The following ABTB3 variants were observed in gnomAD, a reference collection of about 807,000 sequenced individuals.
ABTB3 encodes the protein ankyrin repeat- and BTB/POZ domain-containing protein 3.
chr12:107,506,117 C>A, the ABTB3 span, among the ~76,000 whole-genome samples: 2 of 152,114 alleles, frequency 1.3e-5, no homozygotes, highest in Non-Finnish European at 2.9e-5. Context: ...TACTGTCTTC[C>A]ACAATGATTG....
chr12:107,512,721 C>T, the ABTB3 span, among the ~76,000 whole-genome samples: 25,028 of 152,126 alleles, frequency 0.16, 2,500 homozygotes, highest in Admixed American at 0.26. Context: ...TTAGGATCTA[C>T]GTGACCTTAG....
chr12:107,350,744 T>C, the ABTB3 span, among the ~76,000 whole-genome samples: 1,203 of 152,264 alleles, frequency 7.9e-3, 15 homozygotes, highest in African/African-American at 0.027. Flanking sequence ...AAAGGTGATA[T>C]CTTCCAGACA....
At chr12:107,507,290 CAGG>C in the ABTB3 span, among the ~76,000 whole-genome samples, 6 of 152,064 alleles carry the variant, frequency 3.9e-5, no homozygotes, top group Admixed American at 2.6e-4. Context: ...TCCAGGGAAG[CAGG>C]AGAAGTCAAG....
At chr12:107,456,581 T>C in the ABTB3 span, among the ~76,000 whole-genome samples, 1 of 152,120 alleles carries the variant, frequency 6.6e-6, no homozygotes, top group Non-Finnish European at 1.5e-5. Context: ...CGATGATGAG[T>C]TGTATAATTA....
the ABTB3 span, among the ~76,000 whole-genome samples, chr12:107,481,769 GC>G: frequency 6.6e-6 from 1 of 152,120 alleles, no homozygotes; most frequent in African/African-American, 2.4e-5. Context: ...CTTGTCTCTG[GC>G]CACTTCTTCA....
the ABTB3 span, among the ~76,000 whole-genome samples, chr12:107,364,299 T>C: frequency 3.9e-5 from 6 of 152,026 alleles, no homozygotes; most frequent in Non-Finnish European, 7.3e-5. Flanking sequence ...TTTTTCTTTT[T>C]TTTTAATGAG....
At chr12:107,542,534 G>A in the ABTB3 span, among the ~76,000 whole-genome samples, 254 of 152,170 alleles carry the variant, frequency 1.7e-3, 7 homozygotes, top group East Asian at 0.042. Context: ...CACCTGTTAC[G>A]TATAAAAAGG....
the ABTB3 span, among the ~76,000 whole-genome samples, chr12:107,585,053 T>C: frequency 6.6e-6 from 1 of 152,192 alleles, no homozygotes; most frequent in Non-Finnish European, 1.5e-5. Flanking sequence ...ACAGGGTTTC[T>C]TATGTGTTCT....
chr12:107,648,613 G>T, the ABTB3 span, among the ~76,000 whole-genome samples: 1 of 152,116 alleles, frequency 6.6e-6, no homozygotes, highest in African/African-American at 2.4e-5. Flanking sequence ...CCCGACTAGG[G>T]CCATTGACAT....
the ABTB3 span, among the ~76,000 whole-genome samples, chr12:107,479,360 C>A: frequency 4.0e-5 from 6 of 151,858 alleles, no homozygotes; most frequent in African/African-American, 2.4e-5. Context: ...TGAAGAGGTG[C>A]CCAGGGATTG....
the ABTB3 span, among the ~76,000 whole-genome samples, chr12:107,336,841 A>G: frequency 1.3e-5 from 2 of 152,232 alleles, no homozygotes; most frequent in Non-Finnish European, 2.9e-5. Flanking sequence ...CTGCCAGAGT[A>G]TAGTATGTCC....
the ABTB3 span, among the ~76,000 whole-genome samples, chr12:107,350,262 A>G: frequency 1.3e-5 from 2 of 152,140 alleles, no homozygotes; most frequent in African/African-American, 4.8e-5. Context: ...GTAAGAGTTC[A>G]TTATTCTGGC....
chr12:107,425,946 G>T, the ABTB3 span, among the ~76,000 whole-genome samples: 1 of 152,230 alleles, frequency 6.6e-6, no homozygotes. Context: ...CTTCTGAGTC[G>T]TTTGGAGTTC....
the ABTB3 span, chr12:107,659,535 T>C: frequency 6.6e-6 from 1 of 152,264 alleles, no homozygotes; most frequent in Non-Finnish European, 1.5e-5. Flanking sequence ...TGTCTAATGC[T>C]AGTTCAGGGC....
At chr12:107,429,288 G>A in the ABTB3 span, among the ~76,000 whole-genome samples, 1 of 152,182 alleles carries the variant, frequency 6.6e-6, no homozygotes, top group Non-Finnish European at 1.5e-5. Flanking sequence ...GCTGTCCCAG[G>A]GCTTGCATAT....
At chr12:107,450,221 C>G in the ABTB3 span, among the ~76,000 whole-genome samples, 1 of 152,014 alleles carries the variant, frequency 6.6e-6, no homozygotes, top group African/African-American at 2.4e-5. Context: ...CTTCTCTTCC[C>G]TTAACAGGAT....
chr12:107,622,383 T>C, the ABTB3 span, among the ~76,000 whole-genome samples: 1 of 152,236 alleles, frequency 6.6e-6, no homozygotes, highest in Non-Finnish European at 1.5e-5. Flanking sequence ...GACAGTCTCC[T>C]GTCGGACAAT....
chr12:107,339,479 A>G, the ABTB3 span, among the ~76,000 whole-genome samples: 236 of 152,314 alleles, frequency 1.5e-3, no homozygotes, highest in Non-Finnish European at 1.9e-3. Context: ...TATTCTGCTC[A>G]CAGGGCCTCT....
the ABTB3 span, among the ~76,000 whole-genome samples, chr12:107,373,749 A>G: frequency 6.6e-6 from 1 of 152,340 alleles, no homozygotes; most frequent in Admixed American, 6.5e-5. Flanking sequence ...CCTGGAGCCC[A>G]GGTGTCTGGG....
Sources: allele counts gnomAD v4.1 joint callset (sites outside exome capture counted in the v4.1 genomes callset), GRCh38; gene constraint gnomAD v4.1.1; transcripts MANE v1.5; gene names NCBI Gene and HGNC (gene_info 2026-07-23, HGNC 2026-07-21).